Variants in TRPV4 observed in about 807,000 individuals in gnomAD.
TRPV4 encodes OSM9-like transient receptor potential channel 4.
Under a neutral mutation model 84.1 loss-of-function variants are expected in TRPV4, and 58 were observed. That is an observed-to-expected ratio of 0.69 (90% confidence interval 0.56 to 0.86). The LOEUF (loss-of-function observed/expected upper bound fraction) is 0.86, where lower values mean the gene tolerates loss of function less well. Among genes scored for constraint, TRPV4 ranks in the 40% least tolerant of loss-of-function variants. The pLI, the probability that TRPV4 is intolerant of heterozygous loss-of-function variation, is 0.00. For missense variants in TRPV4, 879 were observed against 1,181.1 expected (o/e 0.74, Z 3.75); for synonymous variants, 489 against 500.9 (o/e 0.98, Z 0.32).
At chr12:109,803,892 T>C (rs187693217) in intron 3 of TRPV4, among the ~76,000 whole-genome samples, 82 of 152,314 alleles carry the variant, frequency 5.4e-4, no homozygotes, top group Non-Finnish European at 4.0e-4. Context: ...TGTGAACCTG[T>C]AAAAGCAAGA....
At chr12:109,809,054 C>CACT (rs1891338004) in intron 2 of TRPV4, among the ~76,000 whole-genome samples, 1 of 150,934 alleles carries the variant, frequency 6.6e-6, no homozygotes. Flanking sequence ...ATCCATCCAT[C>CACT]CATCACTCAT....
intron 1 of TRPV4, among the ~76,000 whole-genome samples, chr12:109,822,121 G>A (rs113266001): frequency 1.6e-3 from 249 of 151,822 alleles, no homozygotes; most frequent in African/African-American, 5.8e-3. Context: ...AGGTGTAGAG[G>A]GGAAAGTGCA....
chr12:109,828,947 GGCCAA>G (rs764280296), intron 1 of TRPV4, among the ~76,000 whole-genome samples: 2 of 152,192 alleles, frequency 1.3e-5, no homozygotes, highest in Non-Finnish European at 2.9e-5. Flanking sequence ...CACTTTGGGA[GGCCAA>G]GGCAGGAGGG....
At chr12:109,784,483 C>T in intron 14 of TRPV4, 46 bp from the exon 15 acceptor site, 2 of 1,613,910 alleles carry the variant, frequency 1.2e-6, no homozygotes, top group Middle Eastern at 1.7e-4. Context: ...CTCAGAGACG[C>T]TCTCCATGCC....
chr12:109,788,633 A>C lies in TRPV4; in HGVS notation c.1975T>G (p.Ser659Ala). The C allele has an allele frequency of 2.5e-6, 4 of 1,614,198 alleles. No homozygotes were observed. The African/African-American group carries it at 4.0e-5, about 16-fold the overall frequency. Reference sequence around the variant, plus strand: ...CTGAAGGTCTCGCTGTCACGGCACGAGGGGTAAGTGGGCACTGTGCAGTTG... The same window carrying C: ...CTGAAGGTCTCGCTGTCACGGCACGCGGGGTAAGTGGGCACTGTGCAGTTG... ...QTNCTVPTYPSCRDSETFSTF... is the reference protein window; with the variant it reads ...QTNCTVPTYPACRDSETFSTF... Residue 659 changes from serine to alanine, a missense_variant, in exon 13 of 16, where the codon TCG (serine) becomes GCG (alanine). Around this residue, in one of 4 missense-constraint regions of TRPV4, gnomAD observed 242 missense variants for 355.3 expected, o/e 0.68. Coordinates refer to ENST00000261740, the MANE Select transcript of TRPV4 (RefSeq NM_021625.5).
At chr12:109,794,202 C>T (rs1890235906) in intron 8 of TRPV4, 127 bp downstream of exon 8, 2 of 1,344,342 alleles carry the variant, frequency 1.5e-6, no homozygotes, top group Non-Finnish European at 2.1e-6. Flanking sequence ...AGGGCGCCTC[C>T]CCAACCTGTT....
chr12:109,824,009 G>A (rs1371711584), intron 1 of TRPV4, among the ~76,000 whole-genome samples: 1 of 151,882 alleles, frequency 6.6e-6, no homozygotes, highest in Non-Finnish European at 1.5e-5. Context: ...CTGTCACCCA[G>A]GCTAGAGTAT....
At chr12:109,809,940 T>A (rs1183648741) in intron 2 of TRPV4, among the ~76,000 whole-genome samples, 1 of 152,202 alleles carries the variant, frequency 6.6e-6, no homozygotes, top group East Asian at 1.9e-4. Context: ...TAAATGTTAG[T>A]TGATATTACC....
At chr12:109,828,625 G>A (rs73202462) in intron 1 of TRPV4, among the ~76,000 whole-genome samples, 1,757 of 152,314 alleles carry the variant, frequency 0.012, 19 homozygotes, top group Non-Finnish European at 0.018. Flanking sequence ...AGCAACTGGC[G>A]GAGCTGGGAG....
rs149379382 is a variant in TRPV4 at position 109,804,500 on chromosome 12, T to A, written c.560-1357A>T. 7.2e-5 allele frequency among the ~76,000 whole-genome samples: 11 copies of A among 152,346 alleles called. No individual in the cohort carries two copies. The East Asian group carries it at 2.1e-3, about 29-fold the overall frequency. On this transcript the variant is annotated intron_variant, in intron 3 of 15. Coordinates refer to ENST00000261740, the MANE Select transcript of TRPV4 (RefSeq NM_021625.5). ...AAATCAAAGAGCTAATCAGTGTTTGTTGATTAGCCCAGTACCAGGCAGATA... is the reference window on the plus strand; with the variant it reads ...AAATCAAAGAGCTAATCAGTGTTTGATGATTAGCCCAGTACCAGGCAGATA...
At chr12:109,822,604 C>T (rs1892138265) in intron 1 of TRPV4, among the ~76,000 whole-genome samples, 1 of 152,176 alleles carries the variant, frequency 6.6e-6, no homozygotes, top group Admixed American at 6.5e-5. Flanking sequence ...TCCCCGGGAC[C>T]TGCGCCTTTG....
chr12:109,795,501 C>G (rs958800100), intron 7 of TRPV4, among the ~76,000 whole-genome samples: 3 of 152,110 alleles, frequency 2.0e-5, no homozygotes, highest in Admixed American at 1.3e-4. Context: ...GCTTCCTAGC[C>G]CTTTATTAAC....
intron 1 of TRPV4, among the ~76,000 whole-genome samples, chr12:109,824,728 C>T (rs887047877): frequency 2.0e-5 from 3 of 150,500 alleles, no homozygotes; most frequent in African/African-American, 7.4e-5. Flanking sequence ...TGCACTCCAG[C>T]GGGGGCGACA....
At position 109,783,193 on chromosome 12, in the gene TRPV4, T is replaced by G. The variant is rs1889446010; in HGVS notation, c.*428A>C. On this transcript the variant is annotated 3_prime_UTR_variant, in exon 16 of 16. Coordinates refer to ENST00000261740, the MANE Select transcript of TRPV4 (RefSeq NM_021625.5). This position sits in a 1 kb window ranked among gnomAD's most constrained non-coding sequence, Gnocchi z 4.6. ...CGAGGGCCCCAGCCCCTTGCAAAGC[T>G]GCCACGCTGCCAAAAATGGTGGCGC... The G allele has an allele frequency of 1.1e-5, 2 of 181,624 alleles. No individual in the cohort carries two copies. The highest frequency in any genetic ancestry group is 2.3e-5 in the Non-Finnish European group (2 of 87,052). 11.3% of individuals were successfully genotyped at this position (181,624 alleles called of 1,614,324 possible).
chr12:109,808,119 G>T (rs1348385189), intron 3 of TRPV4, among the ~76,000 whole-genome samples, 177 bp downstream of exon 3: 1 of 152,210 alleles, frequency 6.6e-6, no homozygotes, highest in Non-Finnish European at 1.5e-5. Flanking sequence ...GAGGCACAGA[G>T]AGGTTAAGTA....
At chr12:109,807,394 T>C (rs538946939) in intron 3 of TRPV4, among the ~76,000 whole-genome samples, 3,583 of 96,540 alleles carry the variant, frequency 0.037, 153 homozygotes, top group African/African-American at 0.15. Context: ...ATCACAATTC[T>C]TTTTTTTTTT....
intron 1 of TRPV4, among the ~76,000 whole-genome samples, chr12:109,817,531 A>G (rs1042842017): frequency 1.3e-5 from 2 of 152,110 alleles, no homozygotes; most frequent in African/African-American, 4.8e-5. Context: ...GGACTCCAAA[A>G]TGGGGGCTCT....
chr12:109,805,196 G>A (rs368690471), intron 3 of TRPV4, among the ~76,000 whole-genome samples: 3 of 152,338 alleles, frequency 2.0e-5, no homozygotes, highest in East Asian at 1.9e-4. Flanking sequence ...ACTATCATTC[G>A]GCCTCTGCCA....
chr12:109,832,405 C>G (rs1416901684), intron 1 of TRPV4: 1 of 152,330 alleles, frequency 6.6e-6, no homozygotes, highest in African/African-American at 2.4e-5. Context: ...CACAGGGTAT[C>G]TGCCTAACAT....
Sources: gnomAD v4.1 joint callset for allele counts (sites outside exome capture counted in the v4.1 genomes callset) on GRCh38, gnomAD v4.1.1 for gene constraint, gnomAD v4.1.1 regional missense constraint, Gnocchi (gnomAD v3.1) non-coding constraint, MANE v1.5 for transcripts, NCBI Gene and HGNC (gene_info 2026-07-23, HGNC 2026-07-21) for gene names.